Variants in GRTP1 observed in about 807,000 individuals in gnomAD.
GRTP1 encodes growth hormone regulated TBC protein 1.
Under a neutral mutation model 38.1 loss-of-function variants are expected in GRTP1, and 56 were observed. That is an observed-to-expected ratio of 1.47 (90% CI 1.19 to 1.84). The LOEUF is 1.84. GRTP1 is among the 40% of genes most tolerant of loss of function. GRTP1 has a pLI of 0.00. For missense variants in GRTP1, 506 were observed against 453.9 expected (o/e 1.11, Z -1.04); for synonymous variants, 217 against 189.5 (o/e 1.14, Z -1.19).
At chr13:113,333,205 AAGAG>A (rs1393239332) in intron 5 of GRTP1, among the ~76,000 whole-genome samples, 1 of 152,190 alleles carries the variant, frequency 6.6e-6, no homozygotes, top group Non-Finnish European at 1.5e-5. Flanking sequence ...CTTGGACAGG[AAGAG>A]AAAGAGGTGC....
chr13:113,346,090 A>G (rs61966588), intron 4 of GRTP1, among the ~76,000 whole-genome samples: 964 of 10,724 alleles, frequency 0.09, 178 homozygotes, highest in Admixed American at 0.11. Flanking sequence ...AGACCTGGGA[A>G]GACATCTGTG....
chr13:113,330,660 G>T (rs113846216), intron 5 of GRTP1, among the ~76,000 whole-genome samples: 613 of 3,062 alleles, frequency 0.2, 40 homozygotes, highest in African/African-American at 0.32. Flanking sequence ...GCCCAGGTGT[G>T]TGCATGGAAA....
Position 113,363,274 on chromosome 13 carries a change from C to G in GRTP1, c.181+488G>C, listed in dbSNP as rs575415741. The stretch of plus-strand genomic sequence containing the variant: ...CCAGGCTGGAGTGCAATGGCGCAAT[C>G]TCGGCTCACTGCAACCTCCGCCTAC... On this transcript the variant is annotated intron_variant, in intron 2 of 7. Coordinates refer to ENST00000375431, the MANE Select transcript of GRTP1 (RefSeq NM_024719.4). Among the ~76,000 whole-genome samples, 198 of 152,336 alleles carry G rather than the reference C, an allele frequency of 1.3e-3. 1 individual carries two copies. The highest frequency in any genetic ancestry group is 4.7e-3 in the African/African-American group (195 of 41,572).
chr13:113,351,937 G>A (rs535850467), intron 3 of GRTP1: 5 of 152,268 alleles, frequency 3.3e-5, no homozygotes, highest in East Asian at 3.9e-4. Context: ...GAACCCAACC[G>A]CCTGTGGTCT....
chr13:113,357,441 C>CAGAAA (rs1555320156), intron 2 of GRTP1, among the ~76,000 whole-genome samples: 1 of 97,698 alleles, frequency 1.0e-5, no homozygotes, highest in African/African-American at 4.2e-5. Flanking sequence ...GACACTGCCT[C>CAGAAA]AAAAAAAAAA....
At chr13:113,341,430 C>T (rs910794156) in intron 5 of GRTP1, among the ~76,000 whole-genome samples, 9 of 152,154 alleles carry the variant, frequency 5.9e-5, no homozygotes, top group African/African-American at 2.2e-4. Context: ...CCACGCCCAG[C>T]TAATTTTTGT....
intron 5 of GRTP1, among the ~76,000 whole-genome samples, chr13:113,333,825 T>TAATTA (rs1555314831): frequency 1.8e-5 from 2 of 110,366 alleles, no homozygotes; most frequent in African/African-American, 7.2e-5. Context: ...TTTATTTATT[T>TAATTA]ATTTATTTAT....
At chr13:113,330,502 GCA>G (rs2042848337) in intron 5 of GRTP1, among the ~76,000 whole-genome samples, 1 of 144,712 alleles carries the variant, frequency 6.9e-6, no homozygotes. Context: ...CCAGGTGTGT[GCA>G]TGGGAGCCCA....
chr13:113,350,446 C>T (rs1483391006), intron 4 of GRTP1, among the ~76,000 whole-genome samples: 1 of 126,844 alleles, frequency 7.9e-6, no homozygotes, highest in Non-Finnish European at 1.7e-5. Context: ...CGCACGCACC[C>T]CACAGCGCAC....
intron 3 of GRTP1, among the ~76,000 whole-genome samples, chr13:113,354,653 C>T (rs905735562): frequency 2.0e-5 from 3 of 151,990 alleles, no homozygotes; most frequent in Non-Finnish European, 4.4e-5. Context: ...CTCAGCCTCC[C>T]GAGTAGCTGG....
chr13:113,335,846 G>A (rs532076988), intron 5 of GRTP1, among the ~76,000 whole-genome samples: 38 of 151,910 alleles, frequency 2.5e-4, no homozygotes, highest in Admixed American at 8.5e-4. Flanking sequence ...AGGCTGGAGC[G>A]TAGTGGTACA....
chr13:113,347,381 C>T (rs36144058), intron 4 of GRTP1, among the ~76,000 whole-genome samples: 4 of 25,010 alleles, frequency 1.6e-4, no homozygotes, highest in Non-Finnish European at 1.9e-4. Context: ...CCTCTGAAGC[C>T]GAGAGCAGAC....
intron 2 of GRTP1, among the ~76,000 whole-genome samples, chr13:113,357,587 T>C (rs1391301658): frequency 6.6e-6 from 1 of 152,018 alleles, no homozygotes; most frequent in Non-Finnish European, 1.5e-5. Context: ...ATGAAAAACA[T>C]GTTTTGCTTT....
chr13:113,354,105 C>G (rs989099648), intron 3 of GRTP1, among the ~76,000 whole-genome samples: 1 of 152,196 alleles, frequency 6.6e-6, no homozygotes, highest in African/African-American at 2.4e-5. Context: ...CAAAAAACCA[C>G]AAAACAGAGA....
At chr13:113,341,154 A>G (rs1403094445) in intron 5 of GRTP1, among the ~76,000 whole-genome samples, 2 of 151,546 alleles carry the variant, frequency 1.3e-5, no homozygotes, top group Non-Finnish European at 2.9e-5. Flanking sequence ...GAATGCACCA[A>G]TCACGACTGC....
In GRTP1 at chr13:113,363,929, G is replaced by A. The variant is rs1352622186; in HGVS notation, c.33-19C>T. ...GTCGATCCTGCAAAACCGAGAGAAG[G>A]AGGCCGGCGTCCCCGAAGTTTCCTC... is the stretch of plus-strand genomic sequence containing the variant. On this transcript the variant is annotated intron_variant, in intron 1 of 7. Transcript: ENST00000375431. 2 of 1,606,396 alleles carry A rather than the reference G, an allele frequency of 1.2e-6. No individual in the cohort carries two copies. The highest frequency in any genetic ancestry group is 1.3e-5 in the African/African-American group (1 of 74,142).
chr13:113,353,207 A>G (rs1279619528), intron 3 of GRTP1, among the ~76,000 whole-genome samples: 2 of 146,092 alleles, frequency 1.4e-5, no homozygotes, highest in South Asian at 4.4e-4. Context: ...CCAGCCCCAC[A>G]CTCTGGGTAG....
At chr13:113,363,537 C>A (rs2043539037) in intron 2 of GRTP1, among the ~76,000 whole-genome samples, 1 of 152,166 alleles carries the variant, frequency 6.6e-6, no homozygotes, top group African/African-American at 2.4e-5. Context: ...CGATATGGCT[C>A]CCTGCTGGGA....
chr13:113,345,497 C>T (rs2043088778), intron 4 of GRTP1, among the ~76,000 whole-genome samples: 1 of 152,252 alleles, frequency 6.6e-6, no homozygotes, highest in Non-Finnish European at 1.5e-5. Context: ...AGCCCCAGAC[C>T]CTGGGGGCTT....
Sources: allele counts gnomAD v4.1 joint callset (sites outside exome capture counted in the v4.1 genomes callset), GRCh38; gene constraint gnomAD v4.1.1; transcripts MANE v1.5; gene names NCBI Gene and HGNC (gene_info 2026-07-23, HGNC 2026-07-21).